C8G: variants seen among roughly 807,000 people sequenced by gnomAD.
C8G encodes complement component C8 gamma chain.
Under a neutral mutation model 29.1 loss-of-function variants are expected in C8G, and 38 were observed. That is an observed-to-expected ratio of 1.31 (90% CI 1.01 to 1.71). The LOEUF is 1.71. Ranked by LOEUF, C8G falls within the 40% of genes most tolerant of loss-of-function variation. C8G has a pLI of 0.00. For missense variants in C8G, 300 were observed against 267.4 expected, an observed-to-expected ratio of 1.12 and a Z score of -0.85; for synonymous variants, 158 against 113.2, an observed-to-expected ratio of 1.40 and a Z score of -2.51.
intron 2 of C8G, 48 bp from the exon 3 acceptor site, chr9:136,945,881 C>T (rs118113552): frequency 0.047 from 71,950 of 1,546,590 alleles, 2,009 homozygotes; most frequent in South Asian, 0.095. Context: ...GACTAGGATT[C>T]CTGGTTGGGG....
Position 136,945,737 on chromosome 9 carries a change from G to A in C8G, c.242G>A (p.Gly81Asp). 1 of 1,569,378 alleles carries A rather than the reference G, an allele frequency of 6.4e-7. No individual in the cohort carries two copies. The change falls in exon 2 of 7, where the codon GGC becomes GAC. Residue 81 changes from glycine to aspartate, a missense_variant. Transcript: ENST00000371634. ...ACCACACTGCATGTGGCTCCCCAGGGCACAGCCATGGCTGTCAGTACCTTC... is the reference window on the plus strand; with the variant it reads ...ACCACACTGCATGTGGCTCCCCAGGACACAGCCATGGCTGTCAGTACCTTC... ...EATTLHVAPQ[G>D]TAMAVSTFRK...
In C8G at chr9:136,945,274, G is replaced by A. The variant is rs1019345854; in HGVS notation, c.-47G>A. The A allele has an allele frequency of 1.3e-6, 2 of 1,551,968 alleles. No individual in the cohort carries two copies. Among genetic ancestry groups the A allele is most frequent in the Non-Finnish European group, 1.7e-6 (2 of 1,145,676 alleles). On this transcript the variant is annotated 5_prime_UTR_variant, in exon 1 of 7. It adds an upstream start codon to the 5' untranslated region. Transcript: ENST00000371634. ...GTAGACTCTGTCCTGGGACTTGGTGGTGCTACCCTTGGCCTCCCACAGTCC... is the reference window on the plus strand; with the variant it reads ...GTAGACTCTGTCCTGGGACTTGGTGATGCTACCCTTGGCCTCCCACAGTCC...
Position 136,945,473 on chromosome 9 carries a change from G to GT in C8G, c.138+15_138+16insT. 1 of 1,561,934 alleles carries GT rather than the reference G, an allele frequency of 6.4e-7. No homozygotes were observed. The highest frequency in any genetic ancestry group is 8.7e-7 in the Non-Finnish European group (1 of 1,152,528). Reference sequence around the variant, plus strand: ...ATGCTCAGCAGGTAGAAGTTGGGGGGGGTAGAGGGAGGCAGGTAGAAGTTG... The same window carrying GT: ...ATGCTCAGCAGGTAGAAGTTGGGGGGTGGTAGAGGGAGGCAGGTAGAAGTTG... On this transcript the variant is annotated intron_variant, in intron 1 of 6. Transcript: ENST00000371634.
chr9:136,946,900 G>A lies in C8G; in HGVS notation c.*119G>A, dbSNP rs564153454. 5.1e-5 allele frequency: 67 copies of A among 1,309,648 alleles called. No individual in the cohort carries two copies. The African/African-American group carries it at 8.3e-4, about 16-fold the overall frequency. 81.1% of individuals were successfully genotyped at this position (1,309,648 alleles called of 1,614,324 possible). On this transcript the variant is annotated 3_prime_UTR_variant, in exon 7 of 7. Coordinates refer to ENST00000371634, the MANE Select transcript of C8G (RefSeq NM_000606.3). ...TCAGATCAGGGCCCTGCCACCCAGGGCAGGGGATCTTCTGCCGGCTGCCCC... is the reference window on the plus strand; with the variant it reads ...TCAGATCAGGGCCCTGCCACCCAGGACAGGGGATCTTCTGCCGGCTGCCCC...
intron 4 of C8G, 61 bp from the exon 5 acceptor site, chr9:136,946,404 G>A (rs977313631): frequency 9.3e-6 from 14 of 1,506,050 alleles, no homozygotes; most frequent in Admixed American, 2.3e-5. Flanking sequence ...CACAGACCCC[G>A]TTTCCAGAGC....
Position 136,946,326 on chromosome 9 carries a change from G to A in C8G, c.454+134G>A, listed in dbSNP as rs747136848. ...ATCCTGATCCTCCTGCTAAGCAGGG[G>A]CCCAGGGAGTAGTGACAGACAGGCC... On this transcript the variant is annotated intron_variant, in intron 4 of 6. Transcript: ENST00000371634. 1.6e-5 allele frequency: 22 copies of A among 1,387,316 alleles called. No individual in the cohort carries two copies. The Admixed American group carries it at 4.6e-4, about 29-fold the overall frequency. The allele number at this position is 1,387,316 out of a possible 1,614,324, so 85.9% of individuals were successfully genotyped here. A position where few individuals can be genotyped will look rare whatever the true frequency, so the allele number is the denominator to read the frequency against.
Position 136,945,705 on chromosome 9 carries a change from C to G in C8G, c.210C>G (p.Ala70=). 1.9e-6 allele frequency: 3 copies of G among 1,592,350 alleles called. No individual in the cohort carries two copies. The highest frequency in any genetic ancestry group is 2.6e-6 in the Non-Finnish European group (3 of 1,171,866). ...TCCTGCAGGAGCAGGGCCACCGGGC[C>G]GAGGCCACCACACTGCATGTGGCTC... is the stretch of plus-strand genomic sequence containing the variant. ...CRFLQEQGHR[A]EATTLHVAPQ... The change falls in exon 2 of 7, where the codon GCC becomes GCG. Residue 70 remains alanine, a synonymous_variant. Coordinates refer to ENST00000371634, the MANE Select transcript of C8G (RefSeq NM_000606.3).
Position 136,945,709 on chromosome 9 carries a change from G to A in C8G, c.214G>A (p.Ala72Thr). 6.3e-7 allele frequency: 1 copy of A among 1,590,388 alleles called. No individual in the cohort carries two copies. Among genetic ancestry groups the A allele is most frequent in the Non-Finnish European group, 8.5e-7 (1 of 1,170,834 alleles). Residue 72 changes from alanine to threonine, a missense_variant, in exon 2 of 7, where the codon GCC becomes ACC. Transcript: ENST00000371634. ...FLQEQGHRAEATTLHVAPQGT... is the reference protein window; with the variant it reads ...FLQEQGHRAETTTLHVAPQGT... ...GCAGGAGCAGGGCCACCGGGCCGAGGCCACCACACTGCATGTGGCTCCCCA... is the reference window on the plus strand; with the variant it reads ...GCAGGAGCAGGGCCACCGGGCCGAGACCACCACACTGCATGTGGCTCCCCA...
In C8G at chr9:136,946,858, C is replaced by T; in HGVS notation, c.*77C>T. 1 of 1,515,366 alleles carries T rather than the reference C, an allele frequency of 6.6e-7. No homozygotes were observed. The highest frequency in any genetic ancestry group is 8.9e-7 in the Non-Finnish European group (1 of 1,128,000). 93.9% of individuals were successfully genotyped at this position (1,515,366 alleles called of 1,614,324 possible). On this transcript the variant is annotated 3_prime_UTR_variant, in exon 7 of 7. Coordinates refer to ENST00000371634, the MANE Select transcript of C8G (RefSeq NM_000606.3). ...CACCAGTGGGGTGCCCGCTGCCTGT[C>T]CTCCGTGAAACCAGCCTCAGATCAG...
At position 136,945,923 on chromosome 9, in the gene C8G, C is replaced by A. The variant is rs1383609738; in HGVS notation, c.276-6C>A. 1.3e-6 allele frequency: 2 copies of A among 1,558,574 alleles called. No individual in the cohort carries two copies. Among genetic ancestry groups the A allele is most frequent in the Admixed American group, 3.9e-5 (2 of 51,808 alleles). ...AGCCTGTGGTGCCTCCTCCCCGCCC[C>A]CCCAGGGATGGGATCTGCTGGCAGG... On this transcript the variant is annotated splice_polypyrimidine_tract_variant and splice_region_variant and intron_variant, in intron 2 of 6. Transcript: ENST00000371634.
At position 136,946,949 on chromosome 9, in the gene C8G, C is replaced by G. The variant is rs1353619132; in HGVS notation, c.*168C>G. ...CCAGAGGACAGTGGGTGGAGTGGTA[C>G]CTACTTATTAAATGTCTCAGACCCC... On this transcript the variant is annotated 3_prime_UTR_variant, in exon 7 of 7. Coordinates refer to ENST00000371634, the MANE Select transcript of C8G (RefSeq NM_000606.3). 1.3e-6 allele frequency: 1 copy of G among 799,476 alleles called. No homozygotes were observed. The highest frequency in any genetic ancestry group is 1.5e-5 in the South Asian group (1 of 64,816). The allele number at this position is 799,476 out of a possible 1,614,324, so 49.5% of individuals were successfully genotyped here.
Position 136,945,767 on chromosome 9 carries a change from A to G in C8G, c.272A>G (p.Lys91Arg). The G allele has an allele frequency of 6.4e-7, 1 of 1,553,310 alleles. No homozygotes were observed. The highest frequency in any genetic ancestry group is 1.2e-5 in the South Asian group (1 of 85,112). ...GCCATGGCTGTCAGTACCTTCCGAA[A>G]GCTGTGAGTCCCAGAGCAGCCCTGC... Reference protein sequence around the residue: ...GTAMAVSTFRKLDGICWQVRQ... With the variant: ...GTAMAVSTFRRLDGICWQVRQ... Residue 91 changes from lysine to arginine, a missense_variant, in exon 2 of 7, where the codon AAG becomes AGG. By Grantham distance (26) the Lys-to-Arg change is conservative (BLOSUM62 2). Transcript: ENST00000371634.
chr9:136,945,375 C>T lies in C8G; in HGVS notation c.55C>T (p.Leu19=). ...GACTCTGCTCCTGGCAGCTGGCTCG[C>T]TGGGCCAGAAGCCTCAGAGGCCACG... The part of the protein sequence containing the change: ...LLTLLLAAGS[L]GQKPQRPRRP... Residue 19 remains leucine, a synonymous_variant, in exon 1 of 7, where the codon CTG becomes TTG. Transcript: ENST00000371634. 3 of 1,612,722 alleles carry T rather than the reference C, an allele frequency of 1.9e-6. No homozygotes were observed. The highest frequency in any genetic ancestry group is 1.1e-5 in the South Asian group (1 of 90,994).
rs761412198 is a variant in C8G, at chr9:136,946,734, C to T, written c.596-34C>T. On this transcript the variant is annotated intron_variant, in intron 6 of 6. Coordinates refer to ENST00000371634, the MANE Select transcript of C8G (RefSeq NM_000606.3). ...AGCATGGCGGCGTGGTGAGGGGGGC[C>T]ACTGCCACCGGCTGAGTCTCGTCTC... is the stretch of plus-strand genomic sequence containing the variant. The T allele has an allele frequency of 1.2e-5, 20 of 1,608,820 alleles. 1 individual carries two copies. The South Asian group carries it at 1.4e-4, about 11-fold the overall frequency.
Position 136,946,083 on chromosome 9 carries a change from A to G in C8G, c.347-2A>G. The G allele has an allele frequency of 6.2e-7, 1 of 1,605,030 alleles. No homozygotes were observed. Among genetic ancestry groups the G allele is most frequent in the Non-Finnish European group, 8.5e-7 (1 of 1,174,972 alleles). On this transcript the variant is annotated splice_acceptor_variant, in intron 3 of 6. Transcript: ENST00000371634. LOFTEE classifies it high-confidence loss of function. ...GACATGGCTACTGTGGCTCTGCCCC[A>G]GCCCGAGACGCCCGAGGGGCTGTGC...
chr9:136,946,599 AC>A (rs777916527), intron 5 of C8G, 33 bp downstream of exon 5: 2 of 1,611,910 alleles, frequency 1.2e-6, no homozygotes, highest in African/African-American at 1.3e-5. Flanking sequence ...CAGCTCAGCC[AC>A]CCCCACTCTC....
At chr9:136,946,403 C>T (rs758560308) in intron 4 of C8G, 62 bp from the exon 5 acceptor site, 6 of 1,504,338 alleles carry the variant, frequency 4.0e-6, no homozygotes, top group Admixed American at 4.6e-5. Context: ...ACACAGACCC[C>T]GTTTCCAGAG....
At position 136,945,629 on chromosome 9, in the gene C8G, C is replaced by A. The variant is rs766043320; in HGVS notation, c.139-5C>A. The stretch of plus-strand genomic sequence containing the variant: ...CCCTCGAGTTCTCCCATGGTCTGCC[C>A]CCAGTTTGCAGGGACCTGGCTCCTT... On this transcript the variant is annotated splice_region_variant and splice_polypyrimidine_tract_variant and intron_variant, in intron 1 of 6. Transcript: ENST00000371634. The A allele has an allele frequency of 1.2e-6, 2 of 1,609,176 alleles. No individual in the cohort carries two copies. Among genetic ancestry groups the A allele is most frequent in the East Asian group, 2.2e-5 (1 of 44,822 alleles).
chr9:136,946,582 A>AGGTCCCCAGCT lies in C8G; in HGVS notation c.556+17_556+27dup, dbSNP rs758671953. On this transcript the variant is annotated intron_variant, in intron 5 of 6. Transcript: ENST00000371634. ...CCCAAGTACGGTGAGTGTCCCCAGCAGGTCCCCAGCTCAGCCACCCCCACT... is the reference window on the plus strand; with the variant it reads ...CCCAAGTACGGTGAGTGTCCCCAGCAGGTCCCCAGCTGGTCCCCAGCTCAGCCACCCCCACT... 5 of 1,612,498 alleles carry AGGTCCCCAGCT rather than the reference A, an allele frequency of 3.1e-6. No homozygotes were observed. The African/African-American group carries it at 6.7e-5, about 22-fold the overall frequency.
Sources: gnomAD v4.1 joint callset for allele counts on GRCh38, gnomAD v4.1.1 for gene constraint, MANE v1.5 for transcripts, NCBI Gene and HGNC (gene_info 2026-07-23, HGNC 2026-07-21) for gene names.